CRTC3: variants seen among roughly 807,000 people sequenced by gnomAD.
CRTC3 encodes the protein CREB regulated transcription coactivator 3.
Under a neutral mutation model 74.5 loss-of-function variants are expected in CRTC3, and 26 were observed. That is an observed-to-expected ratio of 0.35 (90% confidence interval 0.26 to 0.48). The LOEUF (loss-of-function observed/expected upper bound fraction) is 0.48. Ranked by LOEUF, CRTC3 falls within the 20% of genes least tolerant of loss-of-function variation. The pLI, the probability that CRTC3 is intolerant of heterozygous loss-of-function variation, is 0.99. For synonymous variants in CRTC3, 377 were observed against 325.8 expected, an observed-to-expected ratio of 1.16 and a Z score of -1.69; for missense variants, 760 against 787.3, an observed-to-expected ratio of 0.97 and a Z score of 0.41.
intron 2 of CRTC3, among the ~76,000 whole-genome samples, chr15:90,564,391 T>G (rs1196667898): frequency 6.6e-6 from 1 of 152,174 alleles, no homozygotes; most frequent in East Asian, 1.9e-4. Flanking sequence ...CTCCTTTGCC[T>G]TCACACACAA....
In CRTC3 at chr15:90,615,281, G is replaced by A. The variant is rs1968464178; in HGVS notation, c.613+793G>A. Among the ~76,000 whole-genome samples the A allele has an allele frequency of 2.0e-5, 3 of 152,152 alleles. No homozygotes were observed. In the South Asian group the frequency reaches 6.2e-4, roughly 32 times the overall value. Reference sequence around the variant, plus strand: ...GAGATCTATGGAAATGACACTCAAAGCCATTGACAAATGAGGGTCAGACAC... The same window carrying A: ...GAGATCTATGGAAATGACACTCAAAACCATTGACAAATGAGGGTCAGACAC... On this transcript the variant is annotated intron_variant, in intron 7 of 14. Coordinates refer to ENST00000268184, the MANE Select transcript of CRTC3 (RefSeq NM_022769.5).
chr15:90,574,861 A>G (rs929788140), intron 2 of CRTC3, among the ~76,000 whole-genome samples: 1 of 152,174 alleles, frequency 6.6e-6, no homozygotes, highest in African/African-American at 2.4e-5. Context: ...CAATCTGTTC[A>G]TATCTTTTGC....
intron 11 of CRTC3, chr15:90,634,936 T>G: frequency 6.3e-7 from 1 of 1,575,744 alleles, no homozygotes; most frequent in Non-Finnish European, 8.6e-7. Context: ...GGAGATAAAG[T>G]TCTTCTCCCA....
chr15:90,579,339 C>A (rs1007835207), intron 2 of CRTC3, among the ~76,000 whole-genome samples: 1 of 152,172 alleles, frequency 6.6e-6, no homozygotes, highest in Non-Finnish European at 1.5e-5. Context: ...CTCCACTCTT[C>A]CCCACTGGGG....
At chr15:90,531,758 GT>G (rs951625755) in intron 1 of CRTC3, among the ~76,000 whole-genome samples, 38 of 152,182 alleles carry the variant, frequency 2.5e-4, no homozygotes, top group African/African-American at 8.4e-4. Context: ...GTTGTTATGT[GT>G]TTTTAAATAC....
At position 90,638,433 on chromosome 15, in the gene CRTC3, G is replaced by A. The variant is rs1555454478; in HGVS notation, c.1267-13G>A. 2.5e-6 allele frequency: 4 copies of A among 1,613,144 alleles called. No homozygotes were observed. The South Asian group carries it at 3.3e-5, about 13-fold the overall frequency. On this transcript the variant is annotated splice_polypyrimidine_tract_variant and intron_variant, in intron 11 of 14. Coordinates refer to ENST00000268184, the MANE Select transcript of CRTC3 (RefSeq NM_022769.5). ...CAGAAGCTCATTAGTGGCTTTGTGTGTTTGTTTTGCAGATGGTGTCCTCAG... is the reference window on the plus strand; with the variant it reads ...CAGAAGCTCATTAGTGGCTTTGTGTATTTGTTTTGCAGATGGTGTCCTCAG...
In CRTC3 at chr15:90,619,964, TTAAAC is replaced by T. The variant is rs3833029; in HGVS notation, c.749+178_749+182del. On this transcript the variant is annotated intron_variant, in intron 9 of 14. Coordinates refer to ENST00000268184, the MANE Select transcript of CRTC3 (RefSeq NM_022769.5). ...CTTTTGATACTCATATTTCATCTGTTTAAACTAATTAAATTACATGACTATAATAA... is the reference window on the plus strand; with the variant it reads ...CTTTTGATACTCATATTTCATCTGTTTAATTAAATTACATGACTATAATAA... 8.4e-3 allele frequency: 5,058 copies of T among 601,010 alleles called. 117 individuals are homozygous for T. The highest frequency in any genetic ancestry group is 0.07 in the East Asian group (2,474 of 35,324). The allele number at this position is 601,010 out of a possible 1,614,324, so 37.2% of individuals were successfully genotyped here. A position where few individuals can be genotyped will look rare whatever the true frequency, so the allele number is the denominator to read the frequency against.
chr15:90,599,209 C>T (rs1175298951), intron 3 of CRTC3: 2 of 152,120 alleles, frequency 1.3e-5, no homozygotes, highest in East Asian at 3.8e-4. Context: ...TCCCTCCTCC[C>T]TGCCTTCCTT....
rs922457681 is a variant in CRTC3, at chr15:90,626,611, C to CTTTTTT, written c.967+631_967+636dup. 6.0e-3 allele frequency among the ~76,000 whole-genome samples: 796 copies of CTTTTTT among 133,350 alleles called. 14 individuals carry two copies. The highest frequency in any genetic ancestry group is 0.033 in the East Asian group (158 of 4,720). The allele number at this position is 133,350 out of a possible 152,430, so 87.5% of individuals were successfully genotyped here. On this transcript the variant is annotated intron_variant, in intron 10 of 14. Coordinates refer to ENST00000268184, the MANE Select transcript of CRTC3 (RefSeq NM_022769.5). ...GACTACATTTGTTTGAAGCCTGACACTTTTTTTTTTTTTTTTTTGAGATGG... is the reference window on the plus strand; with the variant it reads ...GACTACATTTGTTTGAAGCCTGACACTTTTTTTTTTTTTTTTTTTTTTTTGAGATGG...
rs1273586487 is a variant in CRTC3, at chr15:90,530,699, C to G, written c.132+496C>G. The G allele has an allele frequency of 6.6e-6, 1 of 152,246 alleles. No individual in the cohort carries two copies. The highest frequency in any genetic ancestry group is 1.5e-5 in the Non-Finnish European group (1 of 68,130). The allele number at this position is 152,246 out of a possible 1,614,324, so 9.4% of individuals were successfully genotyped here. A position where few individuals can be genotyped will look rare whatever the true frequency, so the allele number is the denominator to read the frequency against. ...TGCACAAGTCCATCCAGGGCCCGGC[C>G]CTGGGGTGGCTCGGGTTGTTGGAAC... On this transcript the variant is annotated intron_variant, in intron 1 of 14. Transcript: ENST00000268184. The surrounding 1 kb of genome is among the most constrained non-coding windows in gnomAD (Gnocchi z 6.2).
chr15:90,629,321 C>T lies in CRTC3; in HGVS notation c.1055C>T (p.Thr352Ile), dbSNP rs755603448. The change falls in exon 11 of 15, where the codon ACA becomes ATA. Residue 352 changes from threonine to isoleucine, a missense_variant. Transcript: ENST00000268184. ...TCTTCCTTAAATAACCACCCACAGA[C>T]ATCTGTTCCCAACGCATCTGCTCTT... ...LSSSLNNHPQ[T>I]SVPNASALHP... The T allele has an allele frequency of 1.9e-6, 3 of 1,614,144 alleles. No individual in the cohort carries two copies. The highest frequency in any genetic ancestry group is 1.7e-5 in the Admixed American group (1 of 60,018).
intron 2 of CRTC3, among the ~76,000 whole-genome samples, chr15:90,565,099 C>T (rs1358078012): frequency 3.9e-5 from 6 of 152,252 alleles, no homozygotes; most frequent in East Asian, 1.9e-4. Context: ...TGCGTGACCA[C>T]GCTGGCTAAT....
chr15:90,545,864 C>CA (rs1966843496), intron 2 of CRTC3, among the ~76,000 whole-genome samples: 1 of 152,198 alleles, frequency 6.6e-6, no homozygotes, highest in Non-Finnish European at 1.5e-5. Flanking sequence ...AGGCGTGAGC[C>CA]ACTGCGCCTG....
At chr15:90,567,930 C>T (rs1367804948) in intron 2 of CRTC3, among the ~76,000 whole-genome samples, 1 of 152,170 alleles carries the variant, frequency 6.6e-6, no homozygotes, top group African/African-American at 2.4e-5. Flanking sequence ...TGGATCATGG[C>T]ACAAAGCATA....
chr15:90,596,325 A>G (rs1967925890), intron 3 of CRTC3: 2 of 152,298 alleles, frequency 1.3e-5, no homozygotes, highest in South Asian at 2.1e-4. Flanking sequence ...AATGTGGTGC[A>G]AAGTCCTACC....
At chr15:90,559,327 C>G in intron 2 of CRTC3, among the ~76,000 whole-genome samples, 1 of 152,132 alleles carries the variant, frequency 6.6e-6, no homozygotes. Flanking sequence ...AAAACTGAGT[C>G]TTAAGAGGTT....
In CRTC3 at chr15:90,539,321, G is replaced by A. The variant is rs547089071; in HGVS notation, c.133-718G>A. Among the ~76,000 whole-genome samples, 14 of 152,292 alleles carry A rather than the reference G, an allele frequency of 9.2e-5. 1 individual carries two copies. In the East Asian group the frequency reaches 2.7e-3, roughly 29 times the overall value. ...GAAAAGCATATTAAAATGGTGGGAT[G>A]CCATTTTATACCTATTGAATTGACC... On this transcript the variant is annotated intron_variant, in intron 1 of 14. Coordinates refer to ENST00000268184, the MANE Select transcript of CRTC3 (RefSeq NM_022769.5).
chr15:90,620,988 C>T (rs150177935), intron 9 of CRTC3, among the ~76,000 whole-genome samples: 165 of 152,154 alleles, frequency 1.1e-3, no homozygotes, highest in African/African-American at 3.7e-3. Context: ...TGCTGAGCTG[C>T]GCCACGGGTT....
chr15:90,530,057 C>T lies in CRTC3; in HGVS notation c.-15C>T. On this transcript the variant is annotated 5_prime_UTR_variant, in exon 1 of 15. Transcript: ENST00000268184. The surrounding 1 kb of genome is among the most constrained non-coding windows in gnomAD (Gnocchi z 6.2). ...GGCCGCCGTCTCCCGCTTCTGCCCG[C>T]GCAGAGTCCGCGCCATGGCCGCCTC... is the stretch of plus-strand genomic sequence containing the variant. 9.2e-6 allele frequency: 13 copies of T among 1,412,884 alleles called. No individual in the cohort carries two copies. The highest frequency in any genetic ancestry group is 1.2e-5 in the Non-Finnish European group (13 of 1,067,172). 87.5% of individuals were successfully genotyped at this position (1,412,884 alleles called of 1,614,324 possible).
Sources: gnomAD v4.1 joint callset for allele counts (sites outside exome capture counted in the v4.1 genomes callset) on GRCh38, gnomAD v4.1.1 for gene constraint, Gnocchi (gnomAD v3.1) non-coding constraint, MANE v1.5 for transcripts, NCBI Gene and HGNC (gene_info 2026-07-23, HGNC 2026-07-21) for gene names.